Variants in ZNF727 observed in about 807,000 individuals in gnomAD.
ZNF727 encodes the protein putative zinc finger protein 727.
Under a neutral mutation model 11.5 loss-of-function variants are expected in ZNF727, and 11 were observed. The ratio of observed to expected loss-of-function variants is 0.95; its 90% CI spans 0.60 to 1.58. The LOEUF (loss-of-function observed/expected upper bound fraction) is 1.58. Among genes scored for constraint, ZNF727 ranks in the 40% most tolerant of loss-of-function variants. ZNF727 has a pLI of 0.00. For synonymous variants in ZNF727, 171 were observed against 196.1 expected, an observed-to-expected ratio of 0.87 and a Z score of 1.07; for missense variants, 533 against 581.7, an observed-to-expected ratio of 0.92 and a Z score of 0.86.
In ZNF727 at chr7:64,078,059, A is replaced by G. The variant is rs1785714609; in HGVS notation, c.1010A>G (p.Glu337Gly). The G allele has an allele frequency of 6.2e-7, 1 of 1,611,596 alleles. No individual in the cohort carries two copies. Among genetic ancestry groups the G allele is most frequent in the Non-Finnish European group, 8.5e-7 (1 of 1,178,832 alleles). ...CAACATAACAGAATTCATACTGGAG[A>G]GAAACCCTACATTTGTGAAGAATGT... Reference protein sequence around the residue: ...LSQHNRIHTGEKPYICEECGK... With the variant: ...LSQHNRIHTGGKPYICEECGK... Residue 337 changes from glutamate to glycine, a missense_variant, in exon 4 of 4, where the codon GAG becomes GGG. Around this residue, in one of 3 missense-constraint regions of ZNF727, gnomAD observed 463 missense variants for 494.5 expected, o/e 0.94. Transcript: ENST00000456806.
At position 64,082,706 on chromosome 7, in the gene ZNF727, C is replaced by T. The variant is rs1584161561; in HGVS notation, c.*4157C>T. On this transcript the variant is annotated 3_prime_UTR_variant, in exon 4 of 4. Coordinates refer to ENST00000456806, the MANE Select transcript of ZNF727 (RefSeq NM_001159522.3). ...GCCTGGGCAACATGGTGAAATCCCA[C>T]CTCTACTAAAATACAAAAAAAGAAA... Among the ~76,000 whole-genome samples the T allele has an allele frequency of 6.6e-6, 1 of 152,072 alleles. No homozygotes were observed. The highest frequency in any genetic ancestry group is 2.4e-5 in the African/African-American group (1 of 41,418).
At chr7:64,066,856 T>G (rs954303199) in intron 1 of ZNF727, among the ~76,000 whole-genome samples, 3 of 151,994 alleles carry the variant, frequency 2.0e-5, no homozygotes, top group African/African-American at 7.3e-5. Context: ...ATCCTCAGAG[T>G]GAACAGGCAG....
chr7:64,050,745 G>T (rs751808256), intron 1 of ZNF727, among the ~76,000 whole-genome samples: 10 of 150,674 alleles, frequency 6.6e-5, no homozygotes, highest in Non-Finnish European at 1.5e-4. Context: ...ATTTATGTAT[G>T]TATAATATGT....
chr7:64,050,797 T>C (rs950468508), intron 1 of ZNF727, among the ~76,000 whole-genome samples: 16 of 151,972 alleles, frequency 1.1e-4, no homozygotes, highest in Admixed American at 5.9e-4. Flanking sequence ...TGTGTGTGTG[T>C]GTGTGTGTGT....
intron 1 of ZNF727, among the ~76,000 whole-genome samples, chr7:64,054,231 T>C (rs904888182): frequency 1.6e-4 from 24 of 152,194 alleles, no homozygotes; most frequent in African/African-American, 5.5e-4. Context: ...GGTTGGTCTA[T>C]GCAGTGAAAG....
chr7:64,061,346 A>G (rs2116293733), intron 1 of ZNF727, among the ~76,000 whole-genome samples: 1 of 152,054 alleles, frequency 6.6e-6, no homozygotes, highest in South Asian at 2.1e-4. Flanking sequence ...CATGTATCTG[A>G]GTTCTCCAGT....
At chr7:64,063,481 C>T (rs3910585) in intron 1 of ZNF727, among the ~76,000 whole-genome samples, 50,936 of 145,126 alleles carry the variant, frequency 0.35, 8,187 homozygotes, top group South Asian at 0.43. Context: ...TAAATGGAAT[C>T]TCTCTCTCTC....
At chr7:64,058,043 C>T (rs1345473952) in intron 1 of ZNF727, among the ~76,000 whole-genome samples, 6 of 152,100 alleles carry the variant, frequency 3.9e-5, no homozygotes, top group South Asian at 4.1e-4. Context: ...CTGGGTTACT[C>T]AAAAGAAAAT....
intron 1 of ZNF727, among the ~76,000 whole-genome samples, chr7:64,051,652 T>C (rs944619706): frequency 6.6e-6 from 1 of 152,248 alleles, no homozygotes; most frequent in African/African-American, 2.4e-5. Context: ...AATTTTTTTT[T>C]CCCAATTTGA....
At chr7:64,053,761 G>A (rs1304350485) in intron 1 of ZNF727, among the ~76,000 whole-genome samples, 1 of 152,104 alleles carries the variant, frequency 6.6e-6, no homozygotes, top group Non-Finnish European at 1.5e-5. Flanking sequence ...GGAACTGTAA[G>A]TCCAATTAAA....
At chr7:64,054,715 G>A (rs572148583) in intron 1 of ZNF727, among the ~76,000 whole-genome samples, 3 of 152,138 alleles carry the variant, frequency 2.0e-5, no homozygotes, top group Non-Finnish European at 4.4e-5. Context: ...ACTGAATATT[G>A]TGGAATTTTT....
At chr7:64,065,490 G>T (rs368808582) in intron 1 of ZNF727, among the ~76,000 whole-genome samples, 30 of 152,158 alleles carry the variant, frequency 2.0e-4, no homozygotes, top group African/African-American at 7.0e-4. Context: ...TGTGAGTGTG[G>T]TGATTTCAAG....
intron 1 of ZNF727, among the ~76,000 whole-genome samples, chr7:64,068,203 T>C (rs1439014959): frequency 6.6e-6 from 1 of 152,132 alleles, no homozygotes; most frequent in African/African-American, 2.4e-5. Context: ...ATACTCTTTA[T>C]TTTTAATAGG....
chr7:64,053,528 T>A (rs1414759862), intron 1 of ZNF727, among the ~76,000 whole-genome samples: 2 of 151,876 alleles, frequency 1.3e-5, no homozygotes, highest in African/African-American at 4.8e-5. Flanking sequence ...ACCATGTTGG[T>A]CAGGCTGGTC....
chr7:64,065,524 A>G (rs546045458), intron 1 of ZNF727, among the ~76,000 whole-genome samples: 155 of 152,354 alleles, frequency 1.0e-3, no homozygotes, highest in African/African-American at 3.4e-3. Context: ...CTCATGCTTC[A>G]AAGGCATATT....
At chr7:64,059,402 A>C (rs1317646368) in intron 1 of ZNF727, among the ~76,000 whole-genome samples, 4 of 152,324 alleles carry the variant, frequency 2.6e-5, no homozygotes, top group Admixed American at 2.6e-4. Context: ...TAGTCTTCTT[A>C]AATTTCTTTG....
At chr7:64,045,793 T>A (rs1296037175) in intron 1 of ZNF727, among the ~76,000 whole-genome samples, 169 bp downstream of exon 1, 3 of 152,154 alleles carry the variant, frequency 2.0e-5, no homozygotes, top group African/African-American at 7.2e-5. Flanking sequence ...GAGCTGAGCC[T>A]GCAGCCAAAA....
intron 3 of ZNF727, among the ~76,000 whole-genome samples, chr7:64,070,993 A>G (rs1413794818): frequency 4.6e-5 from 7 of 151,584 alleles, no homozygotes; most frequent in Non-Finnish European, 1.0e-4. Context: ...TTGTATATAT[A>G]CCATGTTTTT....
At chr7:64,062,358 A>T (rs1244785736) in intron 1 of ZNF727, among the ~76,000 whole-genome samples, 4 of 151,866 alleles carry the variant, frequency 2.6e-5, no homozygotes, top group Non-Finnish European at 4.4e-5. Context: ...GCATTTTTGT[A>T]GGACAGGTCT....
Sources: gnomAD v4.1 joint callset for allele counts (sites outside exome capture counted in the v4.1 genomes callset) on GRCh38, gnomAD v4.1.1 for gene constraint, gnomAD v4.1.1 regional missense constraint, MANE v1.5 for transcripts, NCBI Gene and HGNC (gene_info 2026-07-23, HGNC 2026-07-21) for gene names.